Variants in A3GALT2 observed in about 807,000 individuals in gnomAD.
The protein encoded by A3GALT2 is alpha 1,3-galactosyltransferase 2.
In A3GALT2, 14 loss-of-function variants were observed where a neutral mutation model predicts 16.6. The ratio of observed to expected loss-of-function variants is 0.84; its 90% CI spans 0.56 to 1.32. A3GALT2 has a LOEUF of 1.32. Among genes scored for constraint, A3GALT2 ranks in the 40% most tolerant of loss-of-function variants. The probability of loss-of-function intolerance (pLI) is 0.00; values close to 1 mark genes in which losing one functional copy is unlikely to be tolerated. For missense variants in A3GALT2, 600 were observed against 490.9 expected (o/e 1.22, Z -2.10); for synonymous variants, 253 against 218.0 (o/e 1.16, Z -1.42).
intron 1 of A3GALT2, chr1:33,314,679 G>C (rs994803489): frequency 6.6e-6 from 1 of 152,642 alleles, no homozygotes; most frequent in African/African-American, 2.4e-5. Context: ...GCTCTTCCCC[G>C]TGCCCCACAG....
intron 4 of A3GALT2, among the ~76,000 whole-genome samples, chr1:33,308,871 A>G (rs1217661706): frequency 2.0e-5 from 3 of 148,582 alleles, no homozygotes; most frequent in East Asian, 2.0e-4. Flanking sequence ...GCAGATAAAC[A>G]TGTGAACAAG....
In A3GALT2 at chr1:33,306,945, G is replaced by C. The variant is rs576547558; in HGVS notation, c.844C>G (p.Arg282Gly). The change falls in exon 5 of 5, where the codon CGC becomes GGC. Residue 282 changes from arginine to glycine, a missense_variant. By Grantham distance (125) the Arg-to-Gly change is moderately radical. Transcript: ENST00000442999. ...TCGTGCCAGCGCGCCTCCAGGCCGC[G>C]CGCGCGGTCCCAGTCCAGGCCCCCC... Reference protein sequence around the residue: ...CAGGLDWDRARGLEARWHDES... With the variant: ...CAGGLDWDRAGGLEARWHDES... The C allele has an allele frequency of 2.6e-6, 4 of 1,509,532 alleles. No individual in the cohort carries two copies. The highest frequency in any genetic ancestry group is 3.5e-6 in the Non-Finnish European group (4 of 1,135,472). 93.5% of individuals were successfully genotyped at this position (1,509,532 alleles called of 1,614,324 possible).
chr1:33,319,156 AC>A, intron 1 of A3GALT2, among the ~76,000 whole-genome samples: 1 of 152,276 alleles, frequency 6.6e-6, no homozygotes, highest in East Asian at 1.9e-4. Flanking sequence ...AGGTTAAATC[AC>A]TTGCTTAGGG....
At chr1:33,313,006 A>G (rs1228765569) in intron 1 of A3GALT2, 116 bp from the exon 2 acceptor site, 1 of 837,526 alleles carries the variant, frequency 1.2e-6, no homozygotes, top group Non-Finnish European at 2.0e-6. Flanking sequence ...TTCTGCATGA[A>G]GGTAGCCAGT....
rs1646199740 is a variant in A3GALT2, at chr1:33,307,313, G to A, written c.476C>T (p.Pro159Leu). Residue 159 changes from proline (P) to leucine (L), a missense_variant, in exon 5 of 5, where the codon CCC (proline) becomes CTC (leucine). Pro to Leu is a moderately conservative substitution (Grantham distance 98, BLOSUM62 -3). Coordinates refer to ENST00000442999, the MANE Select transcript of A3GALT2 (RefSeq NM_001080438.1). Reference protein sequence around the residue: ...RVALGPGRRLPVERVARERRW... With the variant: ...RVALGPGRRLLVERVARERRW... ...CCGCTCGCGCGCCACGCGCTCCACGGGCAGCCGGCGTCCCGGGCCCAGCGC... is the reference window on the plus strand; with the variant it reads ...CCGCTCGCGCGCCACGCGCTCCACGAGCAGCCGGCGTCCCGGGCCCAGCGC... The A allele has an allele frequency of 1.3e-6, 2 of 1,498,816 alleles. No individual in the cohort carries two copies. The highest frequency in any genetic ancestry group is 8.8e-7 in the Non-Finnish European group (1 of 1,134,524). 92.8% of individuals were successfully genotyped at this position (1,498,816 alleles called of 1,614,324 possible).
rs758590041 is a variant in A3GALT2, at chr1:33,320,074, G to A, written c.23+1002C>T. On this transcript the variant is annotated intron_variant, in intron 1 of 4. Coordinates refer to ENST00000442999, the MANE Select transcript of A3GALT2 (RefSeq NM_001080438.1). This position sits in a 1 kb window ranked among gnomAD's most constrained non-coding sequence, Gnocchi z 4.3. The stretch of plus-strand genomic sequence containing the variant: ...CTCAGCCCTGAGGCTCATCTCACAA[G>A]GTTCTCGGCCCTGTTATTTCTCCCC... Among the ~76,000 whole-genome samples, 17 of 151,910 alleles carry A rather than the reference G, an allele frequency of 1.1e-4. No homozygotes were observed. Among genetic ancestry groups the A allele is most frequent in the Non-Finnish European group, 2.5e-4 (17 of 68,024 alleles).
intron 4 of A3GALT2, among the ~76,000 whole-genome samples, chr1:33,309,223 C>T (rs1646219829): frequency 6.6e-6 from 1 of 152,268 alleles, no homozygotes; most frequent in African/African-American, 2.4e-5. Context: ...ACATTTCCCC[C>T]TTTTCTATTC....
intron 2 of A3GALT2, 54 bp from the exon 3 acceptor site, chr1:33,312,644 G>C: frequency 1.3e-6 from 2 of 1,502,434 alleles, no homozygotes; most frequent in Non-Finnish European, 1.8e-6. Context: ...ATGTCAGCCT[G>C]GCCAGGAGCC....
Position 33,312,889 on chromosome 1 carries a change from C to T in A3GALT2, c.25G>A (p.Ala9Thr), listed in dbSNP as rs776445750. The part of the protein sequence containing the change: MALKEGLR[A>T]WKRIFWRQIL... ...TGCCGCCAGAAGATTCTCTTCCAGG[C>T]CCTGGGGGCGGGAGGGGGGCATCAG... The change falls in exon 2 of 5, where the codon GCC (alanine) becomes ACC (threonine). Residue 9 changes from alanine (A) to threonine (T), a missense_variant and splice_region_variant. Physicochemically the swap from Ala to Thr is moderately conservative, Grantham distance 58. Coordinates refer to ENST00000442999, the MANE Select transcript of A3GALT2 (RefSeq NM_001080438.1). The T allele has an allele frequency of 5.0e-6, 8 of 1,603,388 alleles. No homozygotes were observed. Among genetic ancestry groups the T allele is most frequent in the Non-Finnish European group, 5.1e-6 (6 of 1,175,110 alleles).
chr1:33,316,535 CAGGG>C (rs1646263085), intron 1 of A3GALT2, among the ~76,000 whole-genome samples: 1 of 151,522 alleles, frequency 6.6e-6, no homozygotes, highest in Non-Finnish European at 1.5e-5. Context: ...GGTGGGGTGG[CAGGG>C]AGGGCACTGC....
Position 33,307,455 on chromosome 1 carries a change from T to C in A3GALT2, c.336-2A>G. On this transcript the variant is annotated splice_acceptor_variant, in intron 4 of 4. Coordinates refer to ENST00000442999, the MANE Select transcript of A3GALT2 (RefSeq NM_001080438.1). LOFTEE classifies it high-confidence loss of function. ...CGCTCCAGGTACTTCTCCAGGTATCTAAGGGCGCGGCGCCACCGTCAGCCT... is the reference window on the plus strand; with the variant it reads ...CGCTCCAGGTACTTCTCCAGGTATCCAAGGGCGCGGCGCCACCGTCAGCCT... 6.7e-7 allele frequency: 1 copy of C among 1,494,530 alleles called. No homozygotes were observed. The highest frequency in any genetic ancestry group is 2.4e-5 in the Admixed American group (1 of 41,278). The allele number at this position is 1,494,530 out of a possible 1,614,324, so 92.6% of individuals were successfully genotyped here. A position where few individuals can be genotyped will look rare whatever the true frequency, so the allele number is the denominator to read the frequency against.
chr1:33,309,496 A>C (rs1406903221), intron 4 of A3GALT2, among the ~76,000 whole-genome samples: 1 of 148,650 alleles, frequency 6.7e-6, no homozygotes, highest in Non-Finnish European at 1.5e-5. Flanking sequence ...GCTGCCCCCC[A>C]CCTCCTGGAT....
At chr1:33,308,265 A>G (rs921372713) in intron 4 of A3GALT2, among the ~76,000 whole-genome samples, 1 of 151,094 alleles carries the variant, frequency 6.6e-6, no homozygotes, top group Admixed American at 6.6e-5. Context: ...GAAGTCCCAG[A>G]ACTTGGGTGC....
At chr1:33,315,625 G>A (rs1361449796) in intron 1 of A3GALT2, among the ~76,000 whole-genome samples, 2 of 152,166 alleles carry the variant, frequency 1.3e-5, no homozygotes, top group Non-Finnish European at 2.9e-5. Flanking sequence ...CTTGCTGGTG[G>A]GAGTGTAAAT....
At chr1:33,317,076 G>A (rs1646265095) in intron 1 of A3GALT2, among the ~76,000 whole-genome samples, 1 of 152,130 alleles carries the variant, frequency 6.6e-6, no homozygotes, top group East Asian at 1.9e-4. Context: ...GTTGAATGCT[G>A]CCTGGAAAGC....
At chr1:33,313,465 A>C (rs887527966) in intron 1 of A3GALT2, 1 of 151,748 alleles carries the variant, frequency 6.6e-6, no homozygotes, top group Non-Finnish European at 1.5e-5. Context: ...GAGAAGAGTT[A>C]CTGGGCTGGC....
rs573166188 is a variant in A3GALT2, at chr1:33,315,921, G to A, written c.24-3031C>T. ...AGGGTGCGGAGTCAGGAAGATGTGG[G>A]TGTAGTTGGGCGGGGGGGCAGTGGT... On this transcript the variant is annotated intron_variant, in intron 1 of 4. Transcript: ENST00000442999. Among the ~76,000 whole-genome samples the A allele has an allele frequency of 4.6e-5, 7 of 152,210 alleles. No individual in the cohort carries two copies. In the South Asian group the frequency reaches 1.0e-3, roughly 23 times the overall value.
chr1:33,321,015 A>T, intron 1 of A3GALT2, 61 bp downstream of exon 1: 3 of 1,580,070 alleles, frequency 1.9e-6, no homozygotes, highest in Non-Finnish European at 1.7e-6. Flanking sequence ...ATCAGACTGG[A>T]TCCCTCTTAG....
At chr1:33,312,753 C>A in intron 2 of A3GALT2, 54 bp downstream of exon 2, 1 of 1,528,614 alleles carries the variant, frequency 6.5e-7, no homozygotes, top group Non-Finnish European at 8.9e-7. Context: ...TAGACAGATC[C>A]CCTTTAAACC....
Sources: allele counts gnomAD v4.1 joint callset (sites outside exome capture counted in the v4.1 genomes callset), GRCh38; gene constraint gnomAD v4.1.1; non-coding constraint Gnocchi (gnomAD v3.1); transcripts MANE v1.5; gene names NCBI Gene and HGNC (gene_info 2026-07-23, HGNC 2026-07-21).